PAPSS2: variants seen among roughly 807,000 people sequenced by gnomAD.
PAPSS2 encodes bifunctional 3'-phosphoadenosine 5'-phosphosulfate synthase 2.
PAPSS2 carries 61 observed loss-of-function variants against 66.5 expected under a neutral mutation model. The ratio of observed to expected loss-of-function variants is 0.92; its 90% CI spans 0.75 to 1.14. PAPSS2 has a LOEUF of 1.14. Ranked by LOEUF, PAPSS2 falls within the 50% of genes most tolerant of loss-of-function variation. The pLI, the probability that PAPSS2 is intolerant of heterozygous loss-of-function variation, is 0.00. For synonymous variants in PAPSS2, 289 were observed against 287.5 expected (o/e 1.01, Z -0.05); for missense variants, 708 against 789.6 (o/e 0.90, Z 1.24).
At chr10:87,675,889 G>A (rs115686110) in intron 1 of PAPSS2, among the ~76,000 whole-genome samples, 144 of 151,474 alleles carry the variant, frequency 9.5e-4, no homozygotes, top group African/African-American at 3.4e-3. Flanking sequence ...CCATGCAAAT[G>A]AAAGCATTGT....
chr10:87,745,269 T>C, intron 12 of PAPSS2, 38 bp downstream of exon 12: 1 of 1,502,170 alleles, frequency 6.7e-7, no homozygotes. Flanking sequence ...TCAACATCTG[T>C]ATAAAAGAAA....
rs1308403790 is a variant in PAPSS2, at chr10:87,727,305, T to C, written c.902T>C (p.Ile301Thr). 6.2e-7 allele frequency: 1 copy of C among 1,613,322 alleles called. No homozygotes were observed. The highest frequency in any genetic ancestry group is 1.3e-5 in the African/African-American group (1 of 74,874). The change falls in exon 9 of 13, where the codon ATC becomes ACC. Residue 301 changes from isoleucine (I) to threonine (T), a missense_variant. Physicochemically the swap from Ile to Thr is moderately conservative, Grantham distance 89 (BLOSUM62 -1). Transcript: ENST00000456849. ...ALPDGVINMS[I>T]PIVLPVSAED... ...ACAGATGGCGTGATCAACATGAGCATCCCCATTGTACTGCCCGTCTCTGCA... is the reference window on the plus strand; with the variant it reads ...ACAGATGGCGTGATCAACATGAGCACCCCCATTGTACTGCCCGTCTCTGCA...
intron 1 of PAPSS2, among the ~76,000 whole-genome samples, chr10:87,668,761 C>T (rs1451359395): frequency 1.3e-5 from 2 of 151,774 alleles, no homozygotes; most frequent in Non-Finnish European, 2.9e-5. Flanking sequence ...CTTTATATGA[C>T]AGTTGATATA....
chr10:87,660,927 A>G, intron 1 of PAPSS2: 1 of 454,868 alleles, frequency 2.2e-6, no homozygotes, highest in Non-Finnish European at 4.4e-6. Context: ...CCTTGATAAA[A>G]TCCTACTCAG....
intron 1 of PAPSS2, among the ~76,000 whole-genome samples, chr10:87,679,131 C>T (rs1487620717): frequency 6.6e-6 from 1 of 152,166 alleles, no homozygotes; most frequent in East Asian, 1.9e-4. Context: ...TTTGCAGCAA[C>T]ATGGATGCAA....
At chr10:87,714,354 A>C (rs1853505727) in intron 4 of PAPSS2, among the ~76,000 whole-genome samples, 172 bp downstream of exon 4, 1 of 152,220 alleles carries the variant, frequency 6.6e-6, no homozygotes, top group Admixed American at 6.5e-5. Flanking sequence ...GGCTTATTAA[A>C]AGGTAGGGTT....
intron 9 of PAPSS2, among the ~76,000 whole-genome samples, chr10:87,736,562 G>A (rs1258896978): frequency 6.6e-6 from 1 of 152,012 alleles, no homozygotes; most frequent in Non-Finnish European, 1.5e-5. Flanking sequence ...CACCATGCCC[G>A]ACCATGTTTT....
At chr10:87,678,381 C>G (rs1214949220) in intron 1 of PAPSS2, among the ~76,000 whole-genome samples, 1 of 152,138 alleles carries the variant, frequency 6.6e-6, no homozygotes, top group Non-Finnish European at 1.5e-5. Flanking sequence ...AGATATTGGT[C>G]TAGGCAAATA....
At chr10:87,688,211 G>C (rs1019727113) in intron 1 of PAPSS2, among the ~76,000 whole-genome samples, 1 of 151,540 alleles carries the variant, frequency 6.6e-6, no homozygotes, top group African/African-American at 2.4e-5. Flanking sequence ...TAAAAATTAG[G>C]CATATATGAC....
At chr10:87,697,554 A>T (rs1053243417) in intron 1 of PAPSS2, among the ~76,000 whole-genome samples, 4 of 152,224 alleles carry the variant, frequency 2.6e-5, no homozygotes, top group Non-Finnish European at 5.9e-5. Context: ...TACCAGCTGG[A>T]GACTGGAGCC....
At chr10:87,700,649 C>A (rs1853291433) in intron 1 of PAPSS2, among the ~76,000 whole-genome samples, 1 of 148,892 alleles carries the variant, frequency 6.7e-6, no homozygotes, top group African/African-American at 2.5e-5. Flanking sequence ...CAGAGTGAGA[C>A]CCTGTCTCAA....
At chr10:87,701,595 T>A (rs966723403) in intron 1 of PAPSS2, among the ~76,000 whole-genome samples, 2 of 151,774 alleles carry the variant, frequency 1.3e-5, no homozygotes, top group South Asian at 2.1e-4. Flanking sequence ...AGCTAATTTT[T>A]AAATTTTTTT....
intron 1 of PAPSS2, among the ~76,000 whole-genome samples, chr10:87,670,892 A>T (rs1852868282): frequency 1.3e-5 from 2 of 152,226 alleles, no homozygotes; most frequent in African/African-American, 4.8e-5. Context: ...TCTCTTACAC[A>T]TCACACTGTG....
At chr10:87,667,853 A>G (rs1852832705) in intron 1 of PAPSS2, among the ~76,000 whole-genome samples, 1 of 152,244 alleles carries the variant, frequency 6.6e-6, no homozygotes, top group African/African-American at 2.4e-5. Flanking sequence ...TTTCTCTGCT[A>G]GTCAATATTT....
intron 7 of PAPSS2, among the ~76,000 whole-genome samples, chr10:87,718,333 C>T (rs1400565041): frequency 6.6e-6 from 1 of 152,200 alleles, no homozygotes; most frequent in Non-Finnish European, 1.5e-5. Flanking sequence ...ACCCTGCCAA[C>T]CCATTGATTT....
At chr10:87,721,705 C>G (rs925178594) in intron 7 of PAPSS2, 51 bp from the exon 8 acceptor site, 1 of 1,367,554 alleles carries the variant, frequency 7.3e-7, no homozygotes, top group Non-Finnish European at 1.0e-6. Context: ...CTGTAAGATT[C>G]GTTTGGTGGA....
At chr10:87,708,143 T>G (rs1853415993) in intron 1 of PAPSS2, among the ~76,000 whole-genome samples, 1 of 152,218 alleles carries the variant, frequency 6.6e-6, no homozygotes, top group South Asian at 2.1e-4. Flanking sequence ...CTTTACCTTT[T>G]TTATTCATCA....
intron 6 of PAPSS2, 61 bp downstream of exon 6, chr10:87,715,159 C>T (rs1367697774): frequency 2.3e-6 from 2 of 868,848 alleles, no homozygotes; most frequent in Admixed American, 3.5e-5. Context: ...AATTTATTTA[C>T]AATTACTCTT....
intron 1 of PAPSS2, among the ~76,000 whole-genome samples, chr10:87,701,311 CCTTCCTTCCTTCCTTCCTTTCTTT>C (rs1247675319): frequency 5.3e-5 from 4 of 75,858 alleles, no homozygotes; most frequent in African/African-American, 3.0e-4. Context: ...TTCCTTCCTT[CCTTCCTTCCTTCCTTCCTTTCTTT>C]CTTTCTTTCT....
Sources: gnomAD v4.1 joint callset for allele counts (sites outside exome capture counted in the v4.1 genomes callset) on GRCh38, gnomAD v4.1.1 for gene constraint, MANE v1.5 for transcripts, NCBI Gene and HGNC (gene_info 2026-07-23, HGNC 2026-07-21) for gene names.